Variants in SPOCK3 observed in about 807,000 individuals in gnomAD.
SPOCK3 encodes the protein SPARC (osteonectin), cwcv and kazal like domains proteoglycan 3, also known as testican-3.
In SPOCK3, 30 loss-of-function variants were observed where a neutral mutation model predicts 56.6. The ratio of observed to expected loss-of-function variants is 0.53; its 90% confidence interval spans 0.40 to 0.72. SPOCK3 has a LOEUF of 0.72. Among genes scored for constraint, SPOCK3 ranks in the 30% least tolerant of loss-of-function variants. The pLI, the probability that SPOCK3 is intolerant of heterozygous loss-of-function variation, is 0.00. For missense variants in SPOCK3, 527 were observed against 530.0 expected (o/e 0.99, Z 0.06); for synonymous variants, 196 against 183.3 (o/e 1.07, Z -0.56).
intron 2 of SPOCK3, among the ~76,000 whole-genome samples, chr4:167,228,446 G>A (rs1446595380): frequency 2.6e-5 from 4 of 152,050 alleles, no homozygotes; most frequent in Admixed American, 2.0e-4. Flanking sequence ...ATAGAAAATC[G>A]AGTAAAGTTT....
chr4:167,024,631 C>T (rs181736285), intron 3 of SPOCK3, among the ~76,000 whole-genome samples: 45 of 151,950 alleles, frequency 3.0e-4, no homozygotes, highest in Admixed American at 7.9e-4. Flanking sequence ...GTCAGTAACC[C>T]CTCAAATAAG....
chr4:166,754,401 CAT>C, intron 8 of SPOCK3, 105 bp downstream of exon 8: 1 of 1,418,202 alleles, frequency 7.1e-7, no homozygotes, highest in Non-Finnish European at 9.2e-7. Flanking sequence ...ATTACAAAAA[CAT>C]ACACAAAATG....
At chr4:167,057,252 C>T (rs1168747595) in intron 3 of SPOCK3, among the ~76,000 whole-genome samples, 1 of 152,130 alleles carries the variant, frequency 6.6e-6, no homozygotes, top group African/African-American at 2.4e-5. Flanking sequence ...ATTTTGTCAC[C>T]ACCAGGCCTG....
chr4:166,882,253 T>C (rs1579525266), intron 6 of SPOCK3, among the ~76,000 whole-genome samples: 1 of 150,956 alleles, frequency 6.6e-6, no homozygotes, highest in South Asian at 2.1e-4. Context: ...ATGTGCTTTT[T>C]CAAGAAATGT....
chr4:166,988,125 G>T (rs1407210496), intron 4 of SPOCK3, among the ~76,000 whole-genome samples: 1 of 152,036 alleles, frequency 6.6e-6, no homozygotes, highest in Non-Finnish European at 1.5e-5. Context: ...CATAAGAAAT[G>T]ATGGTTCTAG....
chr4:166,894,739 A>T lies in SPOCK3; in HGVS notation c.475-5495T>A, dbSNP rs537299371. On this transcript the variant is annotated intron_variant, in intron 5 of 10. Coordinates refer to ENST00000357545, the MANE Select transcript of SPOCK3 (RefSeq NM_001040159.2). ...TTCCGGGAAAAAAAGTAACAAAACC[A>T]TACCTAACCCTTACCTTACTAAACC... Among the ~76,000 whole-genome samples, 8 of 152,244 alleles carry T rather than the reference A, an allele frequency of 5.3e-5. No homozygotes were observed. In the South Asian group the frequency reaches 1.2e-3, roughly 24 times the overall value.
intron 2 of SPOCK3, among the ~76,000 whole-genome samples, chr4:167,208,335 G>C (rs916986255): frequency 2.6e-5 from 4 of 152,112 alleles, no homozygotes; most frequent in African/African-American, 9.7e-5. Context: ...TTTATTCATA[G>C]TTGTTCCCTC....
intron 9 of SPOCK3, among the ~76,000 whole-genome samples, chr4:166,740,455 G>C (rs1019970994): frequency 1.3e-5 from 2 of 150,320 alleles, no homozygotes; most frequent in African/African-American, 4.9e-5. Context: ...ATGGTACATG[G>C]CTAAACTTTG....
intron 2 of SPOCK3, among the ~76,000 whole-genome samples, chr4:167,223,224 ATATAT>A (rs1483872040): frequency 7.9e-5 from 11 of 138,620 alleles, no homozygotes; most frequent in African/African-American, 2.9e-4. Flanking sequence ...TGAATATATA[ATATAT>A]AATATATTTT....
At chr4:167,147,209 T>A (rs1193133537) in intron 2 of SPOCK3, among the ~76,000 whole-genome samples, 1 of 152,036 alleles carries the variant, frequency 6.6e-6, no homozygotes, top group African/African-American at 2.4e-5. Flanking sequence ...AGAAAATCTA[T>A]AAGAAATGGA....
Position 166,889,122 on chromosome 4 carries a change from T to A in SPOCK3, c.589+8A>T, listed in dbSNP as rs1304558421. On this transcript the variant is annotated splice_region_variant and intron_variant, in intron 6 of 10. Coordinates refer to ENST00000357545, the MANE Select transcript of SPOCK3 (RefSeq NM_001040159.2). Reference sequence around the variant, plus strand: ...ATGTAAAATTATAAATATATTTTTGTCACTTACCTCTCTTAACATTTCTGC... The same window carrying A: ...ATGTAAAATTATAAATATATTTTTGACACTTACCTCTCTTAACATTTCTGC... 2 of 1,520,372 alleles carry A rather than the reference T, an allele frequency of 1.3e-6. No homozygotes were observed. Among genetic ancestry groups the A allele is most frequent in the South Asian group, 2.3e-5 (2 of 88,726 alleles). The allele number at this position is 1,520,372 out of a possible 1,614,324, so 94.2% of individuals were successfully genotyped here.
chr4:167,163,226 G>A (rs1333370604), intron 2 of SPOCK3, among the ~76,000 whole-genome samples: 1 of 138,982 alleles, frequency 7.2e-6, no homozygotes, highest in Non-Finnish European at 1.5e-5. Context: ...TGTTAAATAT[G>A]AGAAAATGTC....
chr4:167,170,386 A>G (rs899224278), intron 2 of SPOCK3, among the ~76,000 whole-genome samples: 1 of 152,216 alleles, frequency 6.6e-6, no homozygotes, highest in Non-Finnish European at 1.5e-5. Flanking sequence ...GAGGCAATCC[A>G]TCATTCATTG....
chr4:166,747,303 A>G (rs1735762341), intron 8 of SPOCK3, among the ~76,000 whole-genome samples: 1 of 152,196 alleles, frequency 6.6e-6, no homozygotes, highest in Non-Finnish European at 1.5e-5. Context: ...AGTTGGCTTC[A>G]TCCCTGGGAT....
At chr4:166,868,860 C>A (rs1042507267) in intron 6 of SPOCK3, among the ~76,000 whole-genome samples, 2 of 152,032 alleles carry the variant, frequency 1.3e-5, no homozygotes, top group African/African-American at 4.8e-5. Flanking sequence ...TACAAAATTT[C>A]TCTATTATCT....
intron 2 of SPOCK3, among the ~76,000 whole-genome samples, chr4:167,104,688 G>A (rs533526721): frequency 2.0e-4 from 30 of 152,000 alleles, no homozygotes; most frequent in Middle Eastern, 6.8e-3. Context: ...GAATAATAAC[G>A]GAGAAAATTC....
At chr4:166,836,262 C>G (rs1398652986) in intron 6 of SPOCK3, among the ~76,000 whole-genome samples, 2 of 152,054 alleles carry the variant, frequency 1.3e-5, no homozygotes, top group African/African-American at 4.8e-5. Context: ...GCTTAAAGAA[C>G]AAAACAGTGC....
chr4:167,159,273 T>C (rs28372321), intron 2 of SPOCK3, among the ~76,000 whole-genome samples: 2,614 of 152,140 alleles, frequency 0.017, 68 homozygotes, highest in African/African-American at 0.06. Flanking sequence ...ATAATTAATA[T>C]ATGATTGTGA....
chr4:166,969,191 G>T (rs915706902), intron 4 of SPOCK3, among the ~76,000 whole-genome samples: 2 of 152,174 alleles, frequency 1.3e-5, no homozygotes, highest in Non-Finnish European at 2.9e-5. Context: ...GAAGGGACTT[G>T]CACTGTCTCA....
Sources: gnomAD v4.1 joint callset for allele counts (sites outside exome capture counted in the v4.1 genomes callset) on GRCh38, gnomAD v4.1.1 for gene constraint, MANE v1.5 for transcripts, NCBI Gene and HGNC (gene_info 2026-07-23, HGNC 2026-07-21) for gene names.